Variants in SULF1 observed in about 807,000 individuals in gnomAD.
SULF1 encodes extracellular sulfatase Sulf-1.
Under a neutral mutation model 110.5 loss-of-function variants are expected in SULF1, and 46 were observed. The observed-to-expected ratio is 0.42, with a 90% confidence interval of 0.33 to 0.53. The LOEUF (loss-of-function observed/expected upper bound fraction) is 0.53, where lower values mean the gene tolerates loss of function less well. Ranked by LOEUF, SULF1 falls within the 20% of genes least tolerant of loss-of-function variation. SULF1 has a pLI of 0.12. For missense variants in SULF1, 941 were observed against 1,094.2 expected, an observed-to-expected ratio of 0.86 and a Z score of 1.98; for synonymous variants, 371 against 387.1, an observed-to-expected ratio of 0.96 and a Z score of 0.49.
chr8:69,621,025 G>A lies in SULF1; in HGVS notation c.1378-10G>A. The A allele has an allele frequency of 1.9e-6, 3 of 1,585,296 alleles. No homozygotes were observed. The highest frequency in any genetic ancestry group is 2.2e-5 in the South Asian group (2 of 89,104). On this transcript the variant is annotated splice_polypyrimidine_tract_variant and intron_variant, in intron 13 of 22. Transcript: ENST00000402687. Reference sequence around the variant, plus strand: ...GAATCGGTAAACTGCTTTCACGTTGGCTTTTGCAGAAGTGGCAATGCATTG... The same window carrying A: ...GAATCGGTAAACTGCTTTCACGTTGACTTTTGCAGAAGTGGCAATGCATTG...
intron 22 of SULF1, among the ~76,000 whole-genome samples, chr8:69,641,626 C>T (rs1202194534): frequency 6.6e-6 from 1 of 152,090 alleles, no homozygotes; most frequent in Non-Finnish European, 1.5e-5. Context: ...GTCCCAGCTA[C>T]TCAGCTACTC....
At chr8:69,612,770 T>C (rs949977608) in intron 13 of SULF1, among the ~76,000 whole-genome samples, 1 of 152,218 alleles carries the variant, frequency 6.6e-6, no homozygotes, top group African/African-American at 2.4e-5. Context: ...GTTGGATGCA[T>C]AGTTTGCAAA....
intron 1 of SULF1, among the ~76,000 whole-genome samples, chr8:69,475,522 G>A (rs1271143609): frequency 3.3e-5 from 5 of 152,122 alleles, no homozygotes; most frequent in Admixed American, 6.6e-5. Context: ...TTGGTGATTA[G>A]TCAAATAGAG....
intron 22 of SULF1, among the ~76,000 whole-genome samples, chr8:69,656,302 G>C (rs981546875): frequency 6.6e-6 from 1 of 152,108 alleles, no homozygotes; most frequent in Non-Finnish European, 1.5e-5. Context: ...TATTTTTGTT[G>C]TTGTCGTTGT....
At chr8:69,549,553 G>A (rs1814537980) in intron 3 of SULF1, among the ~76,000 whole-genome samples, 2 of 150,824 alleles carry the variant, frequency 1.3e-5, no homozygotes, top group Admixed American at 6.6e-5. Flanking sequence ...TTGAAGTTAG[G>A]GAGACAAGTC....
intron 2 of SULF1, among the ~76,000 whole-genome samples, chr8:69,499,695 G>C (rs1810654273): frequency 6.6e-6 from 1 of 152,118 alleles, no homozygotes; most frequent in Non-Finnish European, 1.5e-5. Flanking sequence ...GGCTGCCTCT[G>C]TTCTTTCTTC....
upstream of SULF1, chr8:69,492,710 C>T (rs1810009808): frequency 2.0e-5 from 3 of 152,508 alleles, no homozygotes; most frequent in South Asian, 6.2e-4. Flanking sequence ...CGAAATTCAC[C>T]CTTAGTGTAA....
chr8:69,614,943 G>T (rs1808969578), intron 13 of SULF1, among the ~76,000 whole-genome samples: 1 of 152,228 alleles, frequency 6.6e-6, no homozygotes, highest in Admixed American at 6.5e-5. Flanking sequence ...TAATGTAGTT[G>T]CAGAAAACAG....
chr8:69,469,191 G>C (rs1808982380), intron 1 of SULF1: 1 of 152,224 alleles, frequency 6.6e-6, no homozygotes, highest in African/African-American at 2.4e-5. Flanking sequence ...TGGTAAACAT[G>C]CAGAGACATA....
chr8:69,523,469 C>T (rs1028807455), intron 3 of SULF1, among the ~76,000 whole-genome samples: 2 of 152,074 alleles, frequency 1.3e-5, no homozygotes, highest in Non-Finnish European at 2.9e-5. Context: ...CTTTGAAGTT[C>T]ATGGCACTGA....
intron 3 of SULF1, among the ~76,000 whole-genome samples, chr8:69,510,475 G>A (rs1335393451): frequency 2.6e-5 from 4 of 152,202 alleles, no homozygotes; most frequent in Non-Finnish European, 4.4e-5. Flanking sequence ...GATTTCAAAT[G>A]TATAAAGGGC....
chr8:69,599,840 TG>T (rs1303894003), intron 8 of SULF1, among the ~76,000 whole-genome samples: 1 of 152,182 alleles, frequency 6.6e-6, no homozygotes, highest in Middle Eastern at 3.2e-3. Flanking sequence ...CATATTTTTT[TG>T]AGTACCCAGT....
At chr8:69,482,791 G>A (rs1809561195) in intron 1 of SULF1, among the ~76,000 whole-genome samples, 2 of 152,056 alleles carry the variant, frequency 1.3e-5, no homozygotes, top group South Asian at 4.1e-4. Flanking sequence ...TAAATAAACA[G>A]CTGATTAGAG....
chr8:69,523,720 CA>C (rs918584774), intron 3 of SULF1, among the ~76,000 whole-genome samples: 11 of 151,988 alleles, frequency 7.2e-5, no homozygotes, highest in African/African-American at 2.7e-4. Flanking sequence ...ATTAAGACAT[CA>C]GGGGCCGGTG....
At chr8:69,537,037 C>T (rs186312745) in intron 3 of SULF1, among the ~76,000 whole-genome samples, 2 of 152,288 alleles carry the variant, frequency 1.3e-5, no homozygotes, top group East Asian at 3.9e-4. Context: ...CTACCTCCTC[C>T]GTTTTGTAGG....
intron 3 of SULF1, among the ~76,000 whole-genome samples, chr8:69,523,509 A>G (rs770072164): frequency 4.6e-5 from 7 of 152,092 alleles, no homozygotes; most frequent in South Asian, 2.1e-4. Flanking sequence ...AGGGGATTCT[A>G]TGTTCTTCTC....
chr8:69,609,029 G>T (rs1277154280), intron 13 of SULF1, among the ~76,000 whole-genome samples: 1 of 152,172 alleles, frequency 6.6e-6, no homozygotes, highest in Non-Finnish European at 1.5e-5. Flanking sequence ...GATGCTCAAT[G>T]CTGGCGGCAC....
At chr8:69,619,855 G>A (rs1809468037) in intron 13 of SULF1, among the ~76,000 whole-genome samples, 1 of 152,296 alleles carries the variant, frequency 6.6e-6, no homozygotes, top group Non-Finnish European at 1.5e-5. Context: ...GTATCTAGGG[G>A]CGGGTGCCGA....
chr8:69,530,395 G>A (rs1586318879), intron 3 of SULF1, among the ~76,000 whole-genome samples: 1 of 152,134 alleles, frequency 6.6e-6, no homozygotes, highest in Non-Finnish European at 1.5e-5. Context: ...GTACCATTAG[G>A]AGGGCTCAGT....
Sources: allele counts gnomAD v4.1 joint callset (sites outside exome capture counted in the v4.1 genomes callset), GRCh38; gene constraint gnomAD v4.1.1; transcripts MANE v1.5; gene names NCBI Gene and HGNC (gene_info 2026-07-23, HGNC 2026-07-21).